The following MEX3D variants were observed in gnomAD, a reference collection of about 807,000 sequenced individuals.
MEX3D encodes mex-3 RNA binding family member D.
A neutral mutation model predicts 6.3 loss-of-function variants in MEX3D; 4 were observed. The observed-to-expected ratio is 0.64, with a 90% CI of 0.31 to 1.46. The LOEUF is 1.46. Ranked by LOEUF, MEX3D falls within the 40% of genes most tolerant of loss-of-function variation. MEX3D has a pLI of 0.07. For synonymous variants in MEX3D, 626 were observed against 494.1 expected (o/e 1.27, Z -3.54); for missense variants, 1,038 against 994.4 (o/e 1.04, Z -0.59).
intron 1 of MEX3D, among the ~76,000 whole-genome samples, chr19:1,563,004 G>GC (rs1394696214): frequency 1.3e-5 from 2 of 152,128 alleles, no homozygotes; most frequent in African/African-American, 2.4e-5. Context: ...GGCGACAAGA[G>GC]CAAGACCCTG....
chr19:1,561,317 A>T (rs1483514607), intron 1 of MEX3D, among the ~76,000 whole-genome samples: 1 of 152,194 alleles, frequency 6.6e-6, no homozygotes, highest in African/African-American at 2.4e-5. Context: ...AACCCCAGGG[A>T]GCCGCTGAGG....
At position 1,567,647 on chromosome 19, in the gene MEX3D, G is replaced by A; in HGVS notation, c.412C>T (p.Pro138Ser). ...ACGTCGGGGGGCGACGGCCGGGGCG[G>A]CGGCGGCGGCGGGGGACTCGCGTTG... ...DPNASPPPPP[P>S]PRPSPPDVFA... is the part of the protein sequence containing the mutation. Residue 138 changes from proline (P) to serine (S), a missense_variant, in exon 1 of 2, where the codon CCG becomes TCG. Physicochemically the swap from Pro to Ser is moderately conservative, Grantham distance 74. Transcript: ENST00000402693. The surrounding 1 kb of genome is among the most constrained non-coding windows in gnomAD (Gnocchi z 6.5). The A allele has an allele frequency of 1.6e-6, 2 of 1,218,166 alleles. No individual in the cohort carries two copies. Among genetic ancestry groups the A allele is most frequent in the Non-Finnish European group, 2.1e-6 (2 of 970,882 alleles). 75.5% of individuals were successfully genotyped at this position (1,218,166 alleles called of 1,614,324 possible).
chr19:1,568,077 G>C lies in MEX3D; in HGVS notation c.-19C>G. On this transcript the variant is annotated 5_prime_UTR_variant, in exon 1 of 2. Transcript: ENST00000402693. ...TGGGCATGGCGGGAGCTAGCGCTGG[G>C]GCCCGCGCTCCTGCCGCCCGCGCCG... The C allele has an allele frequency of 2.0e-6, 2 of 978,338 alleles. No homozygotes were observed. The highest frequency in any genetic ancestry group is 2.4e-6 in the Non-Finnish European group (2 of 827,618). 60.6% of individuals were successfully genotyped at this position (978,338 alleles called of 1,614,324 possible).
chr19:1,562,818 C>A (rs369669294), intron 1 of MEX3D, among the ~76,000 whole-genome samples: 1 of 152,074 alleles, frequency 6.6e-6, no homozygotes. Context: ...AGTTCGAGAC[C>A]GGCCTGGCCA....
chr19:1,567,002 G>A lies in MEX3D; in HGVS notation c.595+462C>T, dbSNP rs1422953031. ...CCCCAGGCTGGAGACTGAGACGTGC[G>A]CTCTTTGTACTGTCAGCCTTCTCTC... is the stretch of plus-strand genomic sequence containing the variant. On this transcript the variant is annotated intron_variant, in intron 1 of 1. Transcript: ENST00000402693. This position sits in a 1 kb window ranked among gnomAD's most constrained non-coding sequence, Gnocchi z 6.5. Among the ~76,000 whole-genome samples the A allele has an allele frequency of 6.6e-6, 1 of 152,132 alleles. No individual in the cohort carries two copies. The highest frequency in any genetic ancestry group is 2.4e-5 in the African/African-American group (1 of 41,426).
intron 1 of MEX3D, among the ~76,000 whole-genome samples, chr19:1,565,466 C>G (rs1401712008): frequency 6.6e-6 from 1 of 152,172 alleles, no homozygotes; most frequent in East Asian, 1.9e-4. Context: ...TGCTTGAAAC[C>G]AGAAGGCGGA....
chr19:1,561,393 G>C (rs1914714231), intron 1 of MEX3D, among the ~76,000 whole-genome samples: 2 of 152,312 alleles, frequency 1.3e-5, no homozygotes, highest in Admixed American at 1.3e-4. Context: ...CCAACACTCA[G>C]TCCAACACGC....
At chr19:1,563,595 A>G (rs1484936686) in intron 1 of MEX3D, among the ~76,000 whole-genome samples, 1 of 152,076 alleles carries the variant, frequency 6.6e-6, no homozygotes, top group Non-Finnish European at 1.5e-5. Flanking sequence ...GTGAGAAAGG[A>G]GGGTACATGT....
intron 1 of MEX3D, among the ~76,000 whole-genome samples, chr19:1,566,614 G>T (rs1322931616): frequency 6.6e-6 from 1 of 152,080 alleles, no homozygotes; most frequent in Non-Finnish European, 1.5e-5. Flanking sequence ...AAAGTTGAGG[G>T]AGGCAGGCGG....
Position 1,567,603 on chromosome 19 carries a change from G to A in MEX3D, c.456C>T (p.Pro152=). The change falls in exon 1 of 2, where the codon CCC becomes CCT. Residue 152 remains proline, a synonymous_variant. Transcript: ENST00000402693. This position sits in a 1 kb window ranked among gnomAD's most constrained non-coding sequence, Gnocchi z 6.5. The part of the protein sequence containing the change: ...SPPDVFAGFA[P]HPAALGPPTL... ...TCGGGGGCCCCAGGGCCGCGGGGTG[G>A]GGCGCGAAGCCCGCGAACACGTCGG... 2 of 1,432,256 alleles carry A rather than the reference G, an allele frequency of 1.4e-6. No individual in the cohort carries two copies. The highest frequency in any genetic ancestry group is 1.4e-5 in the South Asian group (1 of 71,480). The allele number at this position is 1,432,256 out of a possible 1,614,324, so 88.7% of individuals were successfully genotyped here.
intron 1 of MEX3D, among the ~76,000 whole-genome samples, chr19:1,563,043 G>A (rs962848563): frequency 3.3e-5 from 5 of 152,124 alleles, no homozygotes; most frequent in Admixed American, 6.6e-5. Context: ...AAAACCTCTC[G>A]GGGAATGAAG....
chr19:1,564,128 C>T (rs1041247931), intron 1 of MEX3D, among the ~76,000 whole-genome samples: 1 of 152,092 alleles, frequency 6.6e-6, no homozygotes, highest in Non-Finnish European at 1.5e-5. Flanking sequence ...TCTGCCTCCC[C>T]ATCTGTGACC....
Position 1,564,604 on chromosome 19 carries a change from G to A in MEX3D, c.595+2860C>T, listed in dbSNP as rs566230188. Among the ~76,000 whole-genome samples, 5 of 152,188 alleles carry A rather than the reference G, an allele frequency of 3.3e-5. No individual in the cohort carries two copies. In the East Asian group the frequency reaches 9.6e-4, roughly 29 times the overall value. The stretch of plus-strand genomic sequence containing the variant: ...TCCAGCAGATGGGTGGGAACTCAGA[G>A]GGTTTGAATGACCACAGTCTGCCCA... On this transcript the variant is annotated intron_variant, in intron 1 of 1. Coordinates refer to ENST00000402693, the MANE Select transcript of MEX3D (RefSeq NM_203304.4).
intron 1 of MEX3D, among the ~76,000 whole-genome samples, chr19:1,563,025 AAAAG>A (rs1914757755): frequency 6.6e-6 from 1 of 152,180 alleles, no homozygotes; most frequent in South Asian, 2.1e-4. Flanking sequence ...TCTCAAAATG[AAAAG>A]AAAAAAACCT....
At chr19:1,558,063 A>C (rs891948625) in intron 1 of MEX3D, among the ~76,000 whole-genome samples, 1 of 149,546 alleles carries the variant, frequency 6.7e-6, no homozygotes, top group African/African-American at 2.4e-5. Flanking sequence ...AAAAAAAAAA[A>C]AAAAAGAGCC....
Position 1,565,292 on chromosome 19 carries a change from A to G in MEX3D, c.595+2172T>C, listed in dbSNP as rs1914811404. The stretch of plus-strand genomic sequence containing the variant: ...CGCAGTGGCTCACGCCTGTAATCTC[A>G]GCACTTTGGGAGGTGGAGGTGGGCG... On this transcript the variant is annotated intron_variant, in intron 1 of 1. Transcript: ENST00000402693. Among the ~76,000 whole-genome samples, 3 of 152,210 alleles carry G rather than the reference A, an allele frequency of 2.0e-5. 1 individual carries two copies. Among genetic ancestry groups the G allele is most frequent in the Admixed American group, 1.3e-4 (2 of 15,268 alleles).
At chr19:1,563,283 G>A (rs1315216232) in intron 1 of MEX3D, among the ~76,000 whole-genome samples, 1 of 152,174 alleles carries the variant, frequency 6.6e-6, no homozygotes, top group Non-Finnish European at 1.5e-5. Flanking sequence ...AGGGACAGGA[G>A]GGGAGACAGT....
In MEX3D at chr19:1,556,284, C is replaced by T; in HGVS notation, c.1235G>A (p.Gly412Asp). ...GGGGCCTGGGTCCGGCACGGAGGGG[C>T]CGCCGCGGCTGCCCGCGTAGAAGGC... ...PEAFYAGSRG[G>D]PSVPDPGPAS... Residue 412 changes from glycine to aspartate, a missense_variant, in exon 2 of 2, where the codon GGC becomes GAC. Gly to Asp is a moderately conservative substitution (Grantham distance 94, BLOSUM62 -1). This residue lies in a region of MEX3D where 581 missense variants were observed against 516.2 expected (regional missense o/e 1.13). Transcript: ENST00000402693. The surrounding 1 kb of genome is among the most constrained non-coding windows in gnomAD (Gnocchi z 7.5). 7.8e-7 allele frequency: 1 copy of T among 1,275,928 alleles called. No individual in the cohort carries two copies. Among genetic ancestry groups the T allele is most frequent in the Non-Finnish European group, 9.9e-7 (1 of 1,013,402 alleles). The allele number at this position is 1,275,928 out of a possible 1,614,324, so 79.0% of individuals were successfully genotyped here.
chr19:1,556,524 TCG>T lies in MEX3D; in HGVS notation c.993_994del (p.Glu332GlyfsTer145), dbSNP rs749138123. ...CAGCGTGATGTGCGCCTCGATCTCC[TCG>T]CGCGCGCGGTCCACGTTCTCGGGCA... is the stretch of plus-strand genomic sequence containing the variant. On this transcript the variant is annotated frameshift_variant, in exon 2 of 2. Coordinates refer to ENST00000402693, the MANE Select transcript of MEX3D (RefSeq NM_203304.4). LOFTEE classifies it low-confidence loss of function (END_TRUNC). The surrounding 1 kb of genome is among the most constrained non-coding windows in gnomAD (Gnocchi z 7.5). 1 of 1,606,286 alleles carries T rather than the reference TCG, an allele frequency of 6.2e-7. No homozygotes were observed. The highest frequency in any genetic ancestry group is 8.5e-7 in the Non-Finnish European group (1 of 1,177,376).
Sources: gnomAD v4.1 joint callset for allele counts (sites outside exome capture counted in the v4.1 genomes callset) on GRCh38, gnomAD v4.1.1 for gene constraint, gnomAD v4.1.1 regional missense constraint, Gnocchi (gnomAD v3.1) non-coding constraint, MANE v1.5 for transcripts, NCBI Gene and HGNC (gene_info 2026-07-23, HGNC 2026-07-21) for gene names.